PAPSS2: variants seen among roughly 807,000 people sequenced by gnomAD.
The protein encoded by PAPSS2 is bifunctional 3'-phosphoadenosine 5'-phosphosulfate synthase 2.
In PAPSS2, 61 loss-of-function variants were observed where a neutral mutation model predicts 66.5. The ratio of observed to expected loss-of-function variants is 0.92; its 90% CI spans 0.75 to 1.14. PAPSS2 has a LOEUF of 1.14. Among genes scored for constraint, PAPSS2 ranks in the 50% most tolerant of loss-of-function variants. PAPSS2 has a pLI of 0.00. For missense variants in PAPSS2, 708 were observed against 789.6 expected, an observed-to-expected ratio of 0.90 and a Z score of 1.24; for synonymous variants, 289 against 287.5, an observed-to-expected ratio of 1.01 and a Z score of -0.05.
In PAPSS2 at chr10:87,713,286, C is replaced by T. The variant is rs747113911; in HGVS notation, c.357C>T (p.Thr119=). 3.5e-6 allele frequency: 4 copies of T among 1,144,080 alleles called. No homozygotes were observed. Among genetic ancestry groups the T allele is most frequent in the South Asian group, 1.3e-5 (1 of 76,828 alleles). 70.9% of individuals were successfully genotyped at this position (1,144,080 alleles called of 1,614,324 possible). Residue 119 remains threonine, a synonymous_variant, in exon 3 of 13, where the codon ACC becomes ACT. Coordinates refer to ENST00000456849, the MANE Select transcript of PAPSS2 (RefSeq NM_001015880.2). ...CTGATGCTGGTCTGGTCTGCATTACCAGCTTTATTTCTCCATTCGCAAAGG... is the reference window on the plus strand; with the variant it reads ...CTGATGCTGGTCTGGTCTGCATTACTAGCTTTATTTCTCCATTCGCAAAGG... ...LFADAGLVCI[T]SFISPFAKDR...
At chr10:87,738,373 TCACCAA>T (rs895522313) in intron 9 of PAPSS2, among the ~76,000 whole-genome samples, 5 of 152,072 alleles carry the variant, frequency 3.3e-5, no homozygotes, top group African/African-American at 9.7e-5. Flanking sequence ...TTCTACATCC[TCACCAA>T]CACCAACACT....
rs1315082682 is a variant in PAPSS2 at position 87,743,426 on chromosome 10, T to C, written c.1276T>C (p.Leu426=). The stretch of plus-strand genomic sequence containing the variant: ...TCCTGTCCACAATGGCCATGCCCTG[T>C]TGATGCAGGACACTCGCCGCAGGCT... The part of the protein sequence containing the change: ...RNPVHNGHAL[L]MQDTRRRLLE... Residue 426 remains leucine, a synonymous_variant, in exon 11 of 13, where the codon TTG becomes CTG. Transcript: ENST00000456849. The C allele has an allele frequency of 1.2e-6, 2 of 1,614,128 alleles. No individual in the cohort carries two copies. Among genetic ancestry groups the C allele is most frequent in the East Asian group, 4.5e-5 (2 of 44,870 alleles).
At chr10:87,708,601 AT>A (rs1349486069) in intron 1 of PAPSS2, among the ~76,000 whole-genome samples, 1 of 152,170 alleles carries the variant, frequency 6.6e-6, no homozygotes, top group African/African-American at 2.4e-5. Flanking sequence ...CACTGAAACG[AT>A]GACATTCCTC....
At chr10:87,702,393 T>C (rs1853329607) in intron 1 of PAPSS2, among the ~76,000 whole-genome samples, 1 of 152,206 alleles carries the variant, frequency 6.6e-6, no homozygotes, top group Admixed American at 6.5e-5. Context: ...GCTCAGTCTC[T>C]ATGGCTCCCA....
chr10:87,669,546 G>A (rs1852851610), intron 1 of PAPSS2, among the ~76,000 whole-genome samples: 1 of 152,148 alleles, frequency 6.6e-6, no homozygotes, highest in African/African-American at 2.4e-5. Flanking sequence ...CTTTAAGTTA[G>A]CCAACAGAAT....
At chr10:87,665,955 T>C (rs1045377148) in intron 1 of PAPSS2, among the ~76,000 whole-genome samples, 2 of 144,166 alleles carry the variant, frequency 1.4e-5, no homozygotes, top group Non-Finnish European at 3.0e-5. Flanking sequence ...ATTTGTTGTT[T>C]TAATTTTTTT....
intron 1 of PAPSS2, among the ~76,000 whole-genome samples, chr10:87,689,855 A>C (rs1344854418): frequency 6.6e-6 from 1 of 152,174 alleles, no homozygotes; most frequent in Non-Finnish European, 1.5e-5. Flanking sequence ...TAAGGTGTAC[A>C]ATATAGCTTA....
In PAPSS2 at chr10:87,721,888, T is replaced by G; in HGVS notation, c.880+118T>G. 3 of 650,212 alleles carry G rather than the reference T, an allele frequency of 4.6e-6. No homozygotes were observed. The East Asian group carries it at 8.5e-5, about 19-fold the overall frequency. The allele number at this position is 650,212 out of a possible 1,614,324, so 40.3% of individuals were successfully genotyped here. A position where few individuals can be genotyped will look rare whatever the true frequency, so the allele number is the denominator to read the frequency against. On this transcript the variant is annotated intron_variant, in intron 8 of 12. Transcript: ENST00000456849. ...TACATTAACCAGTTGGAATCGCTAT[T>G]AGTTCATGATCCAACCAGCTATAGT...
chr10:87,696,525 A>G (rs1350842343), intron 1 of PAPSS2, among the ~76,000 whole-genome samples: 1 of 152,236 alleles, frequency 6.6e-6, no homozygotes, highest in Admixed American at 6.5e-5. Flanking sequence ...AATGTTGTCC[A>G]TAAATATCAT....
At chr10:87,692,286 C>T (rs1003673984) in intron 1 of PAPSS2, among the ~76,000 whole-genome samples, 3 of 152,040 alleles carry the variant, frequency 2.0e-5, no homozygotes, top group Admixed American at 1.3e-4. Context: ...GGGAATCATA[C>T]CTACTAGGCA....
chr10:87,733,229 C>T (rs1039400236), intron 9 of PAPSS2, among the ~76,000 whole-genome samples: 5 of 152,194 alleles, frequency 3.3e-5, no homozygotes, highest in African/African-American at 1.2e-4. Context: ...TGTTACAGAG[C>T]TTATCTCCAA....
chr10:87,670,878 A>C (rs1221621575), intron 1 of PAPSS2, among the ~76,000 whole-genome samples: 1 of 152,208 alleles, frequency 6.6e-6, no homozygotes, highest in African/African-American at 2.4e-5. Flanking sequence ...TGTGACTCAA[A>C]AAGTCTCTTA....
intron 9 of PAPSS2, among the ~76,000 whole-genome samples, chr10:87,739,323 G>C (rs914068494): frequency 6.6e-5 from 10 of 152,138 alleles, no homozygotes; most frequent in African/African-American, 2.4e-4. Context: ...TTAAAAATAG[G>C]GTTTTAGCTA....
intron 1 of PAPSS2, among the ~76,000 whole-genome samples, chr10:87,693,637 G>A (rs565169195): frequency 2.0e-5 from 3 of 152,194 alleles, no homozygotes; most frequent in Non-Finnish European, 4.4e-5. Context: ...CAGTTCGGTC[G>A]TTTATTTAGA....
chr10:87,745,545 C>T (rs1464962193), intron 12 of PAPSS2, among the ~76,000 whole-genome samples: 1 of 152,202 alleles, frequency 6.6e-6, no homozygotes, highest in Non-Finnish European at 1.5e-5. Context: ...GGTGCACTTG[C>T]TCCTCATGCT....
intron 8 of PAPSS2, among the ~76,000 whole-genome samples, chr10:87,727,023 T>C (rs1853667451): frequency 6.6e-6 from 1 of 152,234 alleles, no homozygotes; most frequent in Non-Finnish European, 1.5e-5. Context: ...TTTCCAAAGT[T>C]AGATCACTTA....
At chr10:87,683,692 C>CT (rs11304506) in intron 1 of PAPSS2, among the ~76,000 whole-genome samples, 127 of 140,622 alleles carry the variant, frequency 9.0e-4, no homozygotes, top group South Asian at 3.1e-3. Flanking sequence ...GAGATAAAAT[C>CT]TTTTTTTTTT....
chr10:87,734,663 G>GTGTATATATA (rs1491455056), intron 9 of PAPSS2, among the ~76,000 whole-genome samples: 2 of 81,096 alleles, frequency 2.5e-5, no homozygotes, highest in African/African-American at 5.3e-5. Flanking sequence ...GAATGTGTGT[G>GTGTATATATA]TATATATATA....
intron 1 of PAPSS2, among the ~76,000 whole-genome samples, chr10:87,684,998 A>T (rs1051803834): frequency 5.3e-5 from 8 of 152,176 alleles, no homozygotes; most frequent in Non-Finnish European, 8.8e-5. Flanking sequence ...TCACCAGGCT[A>T]CACAGGGACT....
Sources: allele counts gnomAD v4.1 joint callset (sites outside exome capture counted in the v4.1 genomes callset), GRCh38; gene constraint gnomAD v4.1.1; transcripts MANE v1.5; gene names NCBI Gene and HGNC (gene_info 2026-07-23, HGNC 2026-07-21).